SLC20A2: variants seen among roughly 807,000 people sequenced by gnomAD.
The protein encoded by SLC20A2 is sodium-dependent phosphate transporter 2.
SLC20A2 carries 30 observed loss-of-function variants against 61.0 expected under a neutral mutation model. That is an observed-to-expected ratio of 0.49 (90% CI 0.37 to 0.67). The LOEUF (loss-of-function observed/expected upper bound fraction) is 0.67. Among genes scored for constraint, SLC20A2 ranks in the 30% least tolerant of loss-of-function variants. The probability of loss-of-function intolerance (pLI) is 0.00; values close to 1 mark genes in which losing one functional copy is unlikely to be tolerated. For missense variants in SLC20A2, 626 were observed against 866.4 expected (o/e 0.72, Z 3.48); for synonymous variants, 351 against 353.3 (o/e 0.99, Z 0.07).
upstream of SLC20A2, chr8:42,501,339 G>T (rs1007266731): frequency 1.3e-5 from 2 of 152,196 alleles, no homozygotes; most frequent in African/African-American, 4.8e-5. Context: ...ATAGCATCAT[G>T]ATTATGCTAA....
At chr8:42,540,016 G>A (rs886551004) in intron 1 of SLC20A2, among the ~76,000 whole-genome samples, 1 of 152,226 alleles carries the variant, frequency 6.6e-6, no homozygotes, top group Non-Finnish European at 1.5e-5. Context: ...CGTTTGCCCG[G>A]CGCGGTGGCT....
At chr8:42,462,370 A>G in intron 4 of SLC20A2, among the ~76,000 whole-genome samples, 1 of 152,200 alleles carries the variant, frequency 6.6e-6, no homozygotes, top group Non-Finnish European at 1.5e-5. Flanking sequence ...TACAACCTGG[A>G]GGGTACGTCC....
chr8:42,541,004 G>A (rs528936106), intron 1 of SLC20A2: 24 of 152,376 alleles, frequency 1.6e-4, no homozygotes, highest in African/African-American at 4.1e-4. Context: ...AGAATGGAAA[G>A]CCAGTTTGGA....
intron 2 of SLC20A2, among the ~76,000 whole-genome samples, chr8:42,469,991 C>G (rs1807499388): frequency 6.6e-6 from 1 of 151,612 alleles, no homozygotes. Flanking sequence ...ACTTTCAACA[C>G]ATCTAGTCAG....
chr8:42,519,982 C>A (rs924198938), intron 1 of SLC20A2, among the ~76,000 whole-genome samples: 1 of 149,740 alleles, frequency 6.7e-6, no homozygotes, highest in Non-Finnish European at 1.5e-5. Context: ...AATGAGTTTC[C>A]CAATTTCCCA....
At chr8:42,421,489 G>A (rs534462175) in intron 10 of SLC20A2, among the ~76,000 whole-genome samples, 3 of 152,220 alleles carry the variant, frequency 2.0e-5, no homozygotes, top group South Asian at 2.1e-4. Context: ...TCACTCTTAC[G>A]AACTCTAGTA....
intron 1 of SLC20A2, among the ~76,000 whole-genome samples, chr8:42,499,306 G>A (rs1193495233): frequency 2.0e-5 from 3 of 152,162 alleles, no homozygotes; most frequent in Admixed American, 1.3e-4. Flanking sequence ...CATTTCACCA[G>A]GCACACGGGG....
intron 1 of SLC20A2, among the ~76,000 whole-genome samples, chr8:42,499,519 C>G (rs1168603938): frequency 1.3e-5 from 2 of 152,142 alleles, no homozygotes; most frequent in Non-Finnish European, 2.9e-5. Flanking sequence ...GTAGAAAAAC[C>G]TACAGAAACG....
intron 1 of SLC20A2, among the ~76,000 whole-genome samples, chr8:42,526,345 C>T (rs917346973): frequency 6.6e-6 from 1 of 151,066 alleles, no homozygotes; most frequent in African/African-American, 2.4e-5. Flanking sequence ...TGAAAACTGT[C>T]AAGGTCATTT....
rs76249504 is a variant in SLC20A2, at chr8:42,492,381, T to C, written c.-265+8650A>G. ...AAAAAAAAGAAAGAAAACGAAGATC[T>C]GCCCATGCAAGGTGTGTCTTCACTT... is the stretch of plus-strand genomic sequence containing the variant. On this transcript the variant is annotated intron_variant, in intron 1 of 10. Transcript: ENST00000520262. Among the ~76,000 whole-genome samples, 1,202 of 152,274 alleles carry C rather than the reference T, an allele frequency of 7.9e-3. 8 individuals carry two copies. The highest frequency in any genetic ancestry group is 0.028 in the African/African-American group (1,153 of 41,554).
At chr8:42,534,478 T>TGAGAACAACAAAACACTGAAC (rs1435001247) in intron 1 of SLC20A2, among the ~76,000 whole-genome samples, 11 of 151,934 alleles carry the variant, frequency 7.2e-5, no homozygotes, top group Admixed American at 6.6e-4. Context: ...ACCTAGAATA[T>TGAGAACAACAAAACACTGAAC]GAGAACAACA....
chr8:42,444,813 C>T, intron 5 of SLC20A2, 51 bp from the exon 6 acceptor site: 1 of 1,406,178 alleles, frequency 7.1e-7, no homozygotes. Context: ...TCTGCAAGGT[C>T]AGGCCTCAGG....
At chr8:42,463,361 C>A in intron 3 of SLC20A2, 1 of 264,058 alleles carries the variant, frequency 3.8e-6, no homozygotes, top group Non-Finnish European at 7.1e-6. Context: ...CAAGCTCGGG[C>A]CTCAGAAGAC....
intron 1 of SLC20A2, among the ~76,000 whole-genome samples, chr8:42,488,419 A>G (rs1586183652): frequency 6.6e-6 from 1 of 151,470 alleles, no homozygotes; most frequent in Non-Finnish European, 1.5e-5. Flanking sequence ...CAAACTCCTG[A>G]CCTTGTGATC....
At chr8:42,530,150 C>G (rs1270301016) in intron 1 of SLC20A2, among the ~76,000 whole-genome samples, 1 of 151,852 alleles carries the variant, frequency 6.6e-6, no homozygotes, top group Non-Finnish European at 1.5e-5. Context: ...AAAAATTTAC[C>G]CAACCTAATT....
At chr8:42,485,944 CAAA>C (rs368127646) in intron 1 of SLC20A2, among the ~76,000 whole-genome samples, 25 of 113,662 alleles carry the variant, frequency 2.2e-4, no homozygotes, top group African/African-American at 5.3e-4. Context: ...GACTCCGTCT[CAAA>C]AAAAAAAAAA....
chr8:42,426,383 A>G (rs756502042), intron 10 of SLC20A2, among the ~76,000 whole-genome samples: 2 of 152,270 alleles, frequency 1.3e-5, no homozygotes, highest in Admixed American at 6.5e-5. Flanking sequence ...GGAAGAACCA[A>G]ACCTGTGCTG....
intron 3 of SLC20A2, among the ~76,000 whole-genome samples, chr8:42,464,775 C>A (rs1366958567): frequency 6.6e-6 from 1 of 152,054 alleles, no homozygotes; most frequent in Non-Finnish European, 1.5e-5. Context: ...GAGTTCAAGA[C>A]CAGCCTGGGC....
intron 5 of SLC20A2, among the ~76,000 whole-genome samples, chr8:42,449,582 C>T (rs1016205380): frequency 5.9e-5 from 9 of 152,340 alleles, no homozygotes; most frequent in Admixed American, 1.3e-4. Context: ...AGGCTTTAGT[C>T]TATATCAGTT....
Sources: gnomAD v4.1 joint callset for allele counts (sites outside exome capture counted in the v4.1 genomes callset) on GRCh38, gnomAD v4.1.1 for gene constraint, MANE v1.5 for transcripts, NCBI Gene and HGNC (gene_info 2026-07-23, HGNC 2026-07-21) for gene names.